Variants in TMEM132B observed in about 807,000 individuals in gnomAD.
TMEM132B encodes transmembrane protein 132B.
A neutral mutation model predicts 90.8 loss-of-function variants in TMEM132B; 18 were observed. The observed-to-expected ratio is 0.20, with a 90% CI of 0.14 to 0.29. The LOEUF is 0.29. Among genes scored for constraint, TMEM132B ranks in the 10% least tolerant of loss-of-function variants. TMEM132B has a pLI of 1.00. For synonymous variants in TMEM132B, 504 were observed against 523.3 expected (o/e 0.96, Z 0.50); for missense variants, 1,096 against 1,326.8 (o/e 0.83, Z 2.70).
At position 125,432,484 on chromosome 12, in the gene TMEM132B, T is replaced by C. The variant is rs1383475650; in HGVS notation, c.1106+16807T>C. 7.8e-3 allele frequency among the ~76,000 whole-genome samples: 668 copies of C among 85,946 alleles called. 175 individuals carry two copies. The highest frequency in any genetic ancestry group is 0.019 in the African/African-American group (301 of 15,918). 56.4% of individuals were successfully genotyped at this position (85,946 alleles called of 152,430 possible). A position where few individuals can be genotyped will look rare whatever the true frequency, so the allele number is the denominator to read the frequency against. On this transcript the variant is annotated intron_variant, in intron 3 of 8. Transcript: ENST00000682704. Reference sequence around the variant, plus strand: ...GTGTATATATATGTATGTGTATATATATGTATGTGTATATATATGTGTGTG... The same window carrying C: ...GTGTATATATATGTATGTGTATATACATGTATGTGTATATATATGTGTGTG...
rs771546568 is a variant in TMEM132B, at chr12:125,657,204, C to T, written c.*2494C>T. On this transcript the variant is annotated 3_prime_UTR_variant, in exon 9 of 9. Transcript: ENST00000682704. Reference sequence around the variant, plus strand: ...TGGGAGTCACACAGCTCCTGTGTAGCCGCCTTTGCTCCTCTGTGTTAAAAC... The same window carrying T: ...TGGGAGTCACACAGCTCCTGTGTAGTCGCCTTTGCTCCTCTGTGTTAAAAC... The T allele has an allele frequency of 3.9e-5, 6 of 152,178 alleles. No homozygotes were observed. Among genetic ancestry groups the T allele is most frequent in the African/African-American group, 7.2e-5 (3 of 41,424 alleles). The allele number at this position is 152,178 out of a possible 1,614,324, so 9.4% of individuals were successfully genotyped here. A position where few individuals can be genotyped will look rare whatever the true frequency, so the allele number is the denominator to read the frequency against.
intron 1 of TMEM132B, among the ~76,000 whole-genome samples, chr12:125,287,292 C>T (rs1298798269): frequency 1.3e-5 from 2 of 152,144 alleles, no homozygotes; most frequent in Non-Finnish European, 2.9e-5. Flanking sequence ...CATCTCCCAT[C>T]TCAAGATCCT....
In TMEM132B at chr12:125,262,245, C is replaced by CAA. The variant is rs11307058; in HGVS notation, c.67+75399_67+75400dup. Among the ~76,000 whole-genome samples the CAA allele has an allele frequency of 8.9e-3, 750 of 84,258 alleles. 3 individuals carry two copies. The highest frequency in any genetic ancestry group is 0.013 in the Non-Finnish European group (546 of 41,246). The allele number at this position is 84,258 out of a possible 152,430, so 55.3% of individuals were successfully genotyped here. A position where few individuals can be genotyped will look rare whatever the true frequency, so the allele number is the denominator to read the frequency against. Reference sequence around the variant, plus strand: ...GCAACATAACAAGACCCTGTTTCTACAAAAAAAAAAAAAAAAAAAAAGGAA... The same window carrying CAA: ...GCAACATAACAAGACCCTGTTTCTACAAAAAAAAAAAAAAAAAAAAAAAGGAA... On this transcript the variant is annotated intron_variant, in intron 1 of 8. Coordinates refer to ENST00000682704, the MANE Select transcript of TMEM132B (RefSeq NM_001366854.1).
intron 3 of TMEM132B, among the ~76,000 whole-genome samples, chr12:125,446,147 A>G (rs529993365): frequency 5.7e-4 from 87 of 152,234 alleles, no homozygotes; most frequent in African/African-American, 1.9e-3. Context: ...ATTATAGTTA[A>G]TAGTTATTTG....
At chr12:125,272,021 C>T (rs1593063513) in intron 1 of TMEM132B, among the ~76,000 whole-genome samples, 2 of 152,280 alleles carry the variant, frequency 1.3e-5, no homozygotes, top group East Asian at 1.9e-4. Context: ...CTAGATACCG[C>T]GGCTTGCCAA....
chr12:125,610,713 G>A (rs1885804917), intron 5 of TMEM132B, among the ~76,000 whole-genome samples: 3 of 151,262 alleles, frequency 2.0e-5, no homozygotes, highest in Non-Finnish European at 2.9e-5. Flanking sequence ...CAATGCAATG[G>A]GAGAAAAGAA....
intron 2 of TMEM132B, among the ~76,000 whole-genome samples, chr12:125,362,387 G>A (rs1877986443): frequency 6.6e-6 from 1 of 152,070 alleles, no homozygotes; most frequent in South Asian, 2.1e-4. Flanking sequence ...AAATGACCTG[G>A]AATATTGTTT....
chr12:125,586,280 T>A (rs1288882577), intron 5 of TMEM132B: 1 of 152,238 alleles, frequency 6.6e-6, no homozygotes, highest in Non-Finnish European at 1.5e-5. Flanking sequence ...ATGTAAGTTA[T>A]GGTAATATCC....
rs1593049653 is a variant in TMEM132B at position 125,654,793 on chromosome 12, T to C, written c.*83T>C. The C allele has an allele frequency of 6.9e-7, 1 of 1,459,674 alleles. No homozygotes were observed. Among genetic ancestry groups the C allele is most frequent in the African/African-American group, 1.4e-5 (1 of 70,712 alleles). The allele number at this position is 1,459,674 out of a possible 1,614,324, so 90.4% of individuals were successfully genotyped here. ...AGTGAGTTTGATCAGCAATAGGGGA[T>C]GATTTAACAAAGTTTGATTTGTGGA... On this transcript the variant is annotated 3_prime_UTR_variant, in exon 9 of 9. Coordinates refer to ENST00000682704, the MANE Select transcript of TMEM132B (RefSeq NM_001366854.1). This position sits in a 1 kb window ranked among gnomAD's most constrained non-coding sequence, Gnocchi z 5.8.
intron 2 of TMEM132B, among the ~76,000 whole-genome samples, chr12:125,350,812 G>T (rs879843021): frequency 2.0e-5 from 3 of 152,200 alleles, no homozygotes; most frequent in Admixed American, 2.0e-4. Flanking sequence ...GTTTACAATT[G>T]TAAGCCCTTT....
intron 1 of TMEM132B, among the ~76,000 whole-genome samples, chr12:125,190,692 A>G (rs1368826635): frequency 9.5e-4 from 5 of 5,282 alleles, no homozygotes. Flanking sequence ...AGGGGTGGTG[A>G]TGGTGATGGG....
At chr12:125,339,445 G>T (rs111522122) in intron 1 of TMEM132B, among the ~76,000 whole-genome samples, 3 of 152,136 alleles carry the variant, frequency 2.0e-5, no homozygotes, top group African/African-American at 7.2e-5. Flanking sequence ...CCACATGTTG[G>T]CAAATAGAGC....
At chr12:125,518,883 G>A (rs913433309) in intron 3 of TMEM132B, among the ~76,000 whole-genome samples, 2 of 152,198 alleles carry the variant, frequency 1.3e-5, no homozygotes, top group Admixed American at 6.5e-5. Flanking sequence ...AGTAAACCAC[G>A]TAGTGTGTGA....
chr12:125,187,403 C>A (rs1223269547), intron 1 of TMEM132B, among the ~76,000 whole-genome samples: 1 of 152,184 alleles, frequency 6.6e-6, no homozygotes, highest in South Asian at 2.1e-4. Context: ...ACACTGCCCT[C>A]CCCAAGCTAC....
rs911782828 is a variant in TMEM132B at position 125,509,966 on chromosome 12, T to G, written c.1107-9473T>G. ...TGAGAAATCCATTGTCCATTTTTTA[T>G]GTAACAAGCGTTTTCCTCCAGGTTG... On this transcript the variant is annotated intron_variant, in intron 3 of 8. Transcript: ENST00000682704. Among the ~76,000 whole-genome samples the G allele has an allele frequency of 2.6e-5, 4 of 152,352 alleles. No individual in the cohort carries two copies. The South Asian group carries it at 6.2e-4, about 24-fold the overall frequency.
At chr12:125,419,966 C>T (rs1880125014) in intron 3 of TMEM132B, among the ~76,000 whole-genome samples, 1 of 152,232 alleles carries the variant, frequency 6.6e-6, no homozygotes, top group Non-Finnish European at 1.5e-5. Context: ...CTCCGTGTCT[C>T]ACGTCCAGGT....
intron 4 of TMEM132B, among the ~76,000 whole-genome samples, chr12:125,543,999 C>A (rs1352474454): frequency 2.0e-5 from 3 of 152,176 alleles, no homozygotes; most frequent in Non-Finnish European, 2.9e-5. Context: ...ACATATAACA[C>A]CATGGAATAC....
chr12:125,382,327 G>A (rs1878711213), intron 2 of TMEM132B, among the ~76,000 whole-genome samples: 1 of 152,106 alleles, frequency 6.6e-6, no homozygotes, highest in Non-Finnish European at 1.5e-5. Flanking sequence ...TTCTAGTAGG[G>A]GTCATGCAAT....
At chr12:125,245,587 C>T (rs1433075625) in intron 1 of TMEM132B, among the ~76,000 whole-genome samples, 1 of 152,184 alleles carries the variant, frequency 6.6e-6, no homozygotes. Flanking sequence ...GGGGCAGCAG[C>T]TGCTCCCCGG....
Sources: allele counts gnomAD v4.1 joint callset (sites outside exome capture counted in the v4.1 genomes callset), GRCh38; gene constraint gnomAD v4.1.1; non-coding constraint Gnocchi (gnomAD v3.1); transcripts MANE v1.5; gene names NCBI Gene and HGNC (gene_info 2026-07-23, HGNC 2026-07-21).